Variants in SHC4 observed in about 807,000 individuals in gnomAD.
SHC4 encodes SHC adaptor protein 4, also known as SHC-transforming protein 4.
SHC4 carries 41 observed loss-of-function variants against 69.4 expected under a neutral mutation model. The ratio of observed to expected loss-of-function variants is 0.59; its 90% CI spans 0.46 to 0.77. SHC4 has a LOEUF of 0.77. Among genes scored for constraint, SHC4 ranks in the 30% least tolerant of loss-of-function variants. The probability of loss-of-function intolerance (pLI) is 0.00; values close to 1 mark genes in which losing one functional copy is unlikely to be tolerated. For synonymous variants in SHC4, 318 were observed against 299.3 expected, an observed-to-expected ratio of 1.06 and a Z score of -0.64; for missense variants, 777 against 783.8, an observed-to-expected ratio of 0.99 and a Z score of 0.10.
intron 11 of SHC4, 68 bp from the exon 12 acceptor site, chr15:48,826,194 AG>A: frequency 1.4e-6 from 2 of 1,450,724 alleles, no homozygotes; most frequent in Admixed American, 2.2e-5. Flanking sequence ...ATAAATAATA[AG>A]GGGGAAAATG....
chr15:48,877,304 AT>A, intron 4 of SHC4: 1 of 584,066 alleles, frequency 1.7e-6, no homozygotes. Flanking sequence ...TTGATTCTAC[AT>A]TATGGTGAGT....
rs1172027213 is a variant in SHC4 at position 48,834,757 on chromosome 15, A to C, written c.1737+12T>G. ...ACATCCTGTGAAACCTCTAATGAGA[A>C]GTCAATGATACCTTGCCTTCAGGAT... is the stretch of plus-strand genomic sequence containing the variant. On this transcript the variant is annotated intron_variant, in intron 11 of 11. Transcript: ENST00000332408. 1.2e-6 allele frequency: 2 copies of C among 1,613,418 alleles called. No homozygotes were observed. The highest frequency in any genetic ancestry group is 1.7e-6 in the Non-Finnish European group (2 of 1,179,704).
At chr15:48,911,831 A>T (rs1384916036) in intron 2 of SHC4, among the ~76,000 whole-genome samples, 1 of 152,160 alleles carries the variant, frequency 6.6e-6, no homozygotes, top group Non-Finnish European at 1.5e-5. Context: ...TCTGAAAAAG[A>T]CTGTATCTTT....
intron 4 of SHC4, 39 bp from the exon 5 acceptor site, chr15:48,872,181 G>A (rs1174479090): frequency 1.7e-6 from 2 of 1,157,122 alleles, no homozygotes; most frequent in Non-Finnish European, 2.5e-6. Flanking sequence ...TAAATTAATT[G>A]TTATTTCTAG....
intron 2 of SHC4, among the ~76,000 whole-genome samples, chr15:48,904,531 G>C (rs1397908375): frequency 1.3e-5 from 2 of 152,048 alleles, no homozygotes; most frequent in Admixed American, 6.6e-5. Context: ...GGACCCCAAG[G>C]CTGTCTGAAC....
At chr15:48,942,375 G>T (rs1247842907) in intron 1 of SHC4, among the ~76,000 whole-genome samples, 5 of 151,842 alleles carry the variant, frequency 3.3e-5, no homozygotes, top group Non-Finnish European at 7.4e-5. Context: ...ATAGATTTTT[G>T]AATCAAACTC....
intron 1 of SHC4, among the ~76,000 whole-genome samples, chr15:48,956,229 A>G (rs1441272730): frequency 2.6e-5 from 4 of 152,186 alleles, no homozygotes; most frequent in African/African-American, 9.7e-5. Flanking sequence ...CTCAACCACC[A>G]ATAACTTAGA....
intron 1 of SHC4, among the ~76,000 whole-genome samples, chr15:48,934,055 C>A (rs915095043): frequency 6.6e-5 from 10 of 152,016 alleles, no homozygotes; most frequent in African/African-American, 1.7e-4. Context: ...CCGAAAGCAC[C>A]AGCAACCAAA....
At chr15:48,881,162 C>G (rs1899937780) in intron 4 of SHC4, among the ~76,000 whole-genome samples, 1 of 152,002 alleles carries the variant, frequency 6.6e-6, no homozygotes, top group Non-Finnish European at 1.5e-5. Flanking sequence ...TAAATGTTCG[C>G]TTAGATCAGA....
chr15:48,861,080 C>T (rs1173713924), intron 6 of SHC4, among the ~76,000 whole-genome samples: 1 of 152,198 alleles, frequency 6.6e-6, no homozygotes, highest in East Asian at 1.9e-4. Context: ...TAGGCTGATG[C>T]TATCAACATA....
intron 1 of SHC4, among the ~76,000 whole-genome samples, chr15:48,960,235 A>G (rs757557982): frequency 1.3e-5 from 2 of 152,114 alleles, no homozygotes; most frequent in African/African-American, 2.4e-5. Flanking sequence ...TCACACAGCA[A>G]CTCTTTTCAC....
chr15:48,941,860 T>C (rs887059207), intron 1 of SHC4, among the ~76,000 whole-genome samples: 7 of 152,168 alleles, frequency 4.6e-5, no homozygotes, highest in African/African-American at 1.7e-4. Context: ...GTTCACATTG[T>C]ATTCATTAAG....
chr15:48,899,362 G>T (rs568328481), intron 2 of SHC4, among the ~76,000 whole-genome samples: 1 of 152,166 alleles, frequency 6.6e-6, no homozygotes, highest in Admixed American at 6.5e-5. Context: ...AGCTATTAGG[G>T]AGGCTGAGGC....
At chr15:48,910,756 G>T (rs1016911420) in intron 2 of SHC4, among the ~76,000 whole-genome samples, 1 of 152,000 alleles carries the variant, frequency 6.6e-6, no homozygotes, top group African/African-American at 2.4e-5. Context: ...GGTTTTGATA[G>T]ATTGTGTCAT....
rs183734917 is a variant in SHC4 at position 48,900,214 on chromosome 15, G to A, written c.657-9403C>T. ...TCCCCCATTCTCATCTCCTAAAGAA[G>A]AAGGGCTTTATGGCTGGGCGCAGTG... On this transcript the variant is annotated intron_variant, in intron 2 of 11. Transcript: ENST00000332408. 3.3e-3 allele frequency among the ~76,000 whole-genome samples: 495 copies of A among 152,158 alleles called. 4 individuals carry two copies. The highest frequency in any genetic ancestry group is 0.012 in the African/African-American group (483 of 41,526).
At chr15:48,925,107 G>A (rs62010888) in intron 1 of SHC4, among the ~76,000 whole-genome samples, 158 bp from the exon 2 acceptor site, 2,293 of 152,266 alleles carry the variant, frequency 0.015, 36 homozygotes, top group Non-Finnish European at 0.02. Flanking sequence ...ACTGTTAATG[G>A]ACACATGCCT....
At chr15:48,889,935 A>G (rs370488603) in intron 3 of SHC4, among the ~76,000 whole-genome samples, 1 of 152,264 alleles carries the variant, frequency 6.6e-6, no homozygotes, top group Non-Finnish European at 1.5e-5. Context: ...GAGCTTTTGC[A>G]TTGGCCCTTT....
chr15:48,909,158 T>C (rs1010102532), intron 2 of SHC4, among the ~76,000 whole-genome samples: 2 of 152,212 alleles, frequency 1.3e-5, no homozygotes, highest in African/African-American at 4.8e-5. Context: ...ATTTTCACAA[T>C]ACTGATTCTG....
At chr15:48,956,961 TC>T (rs1261476734) in intron 1 of SHC4, among the ~76,000 whole-genome samples, 1 of 23,366 alleles carries the variant, frequency 4.3e-5, no homozygotes, top group Non-Finnish European at 1.3e-4. Context: ...TTTCTTTCTT[TC>T]TTTCTTTCTT....
Sources: allele counts gnomAD v4.1 joint callset (sites outside exome capture counted in the v4.1 genomes callset), GRCh38; gene constraint gnomAD v4.1.1; transcripts MANE v1.5; gene names NCBI Gene and HGNC (gene_info 2026-07-23, HGNC 2026-07-21).